The following CYP3A5 variants were observed in gnomAD, a reference collection of about 807,000 sequenced individuals.
CYP3A5 encodes cytochrome P450 3A5.
A neutral mutation model predicts 55.9 loss-of-function variants in CYP3A5; 51 were observed. That is an observed-to-expected ratio of 0.91 (90% CI 0.73 to 1.15). The LOEUF (loss-of-function observed/expected upper bound fraction) is 1.15, where lower values mean the gene tolerates loss of function less well. Ranked by LOEUF, CYP3A5 falls within the 50% of genes most tolerant of loss-of-function variation. The pLI is 0.00. For synonymous variants in CYP3A5, 196 were observed against 213.9 expected, an observed-to-expected ratio of 0.92 and a Z score of 0.73; for missense variants, 533 against 596.6, an observed-to-expected ratio of 0.89 and a Z score of 1.11.
Position 99,671,744 on chromosome 7 carries a change from A to G in CYP3A5, c.318+836T>C, listed in dbSNP as rs1389825187. On this transcript the variant is annotated intron_variant, in intron 4 of 12. Transcript: ENST00000222982. ...TATTAATACATTGGCCTCCTCAAAT[A>G]AATAAAAGTTTGCTCTGATATAGAA... is the stretch of plus-strand genomic sequence containing the variant. 5 of 686,354 alleles carry G rather than the reference A, an allele frequency of 7.3e-6. No homozygotes were observed. In the South Asian group the frequency reaches 7.8e-5, roughly 11 times the overall value. The allele number at this position is 686,354 out of a possible 1,614,324, so 42.5% of individuals were successfully genotyped here.
chr7:99,659,929 CAGT>C (rs1810237705), intron 10 of CYP3A5: 1 of 152,700 alleles, frequency 6.5e-6, no homozygotes, highest in African/African-American at 2.4e-5. Flanking sequence ...CAGAAAAGCG[CAGT>C]ATTAGGGTGG....
rs41279857 is a variant in CYP3A5 at position 99,672,599 on chromosome 7, G to T, written c.299C>A (p.Ser100Tyr). ...GCTTACCCTTCGATTTGTGAAGACA[G>T]AATAACATTCTTTCACTAGCACTGT... ...IRTVLVKECY[S>Y]VFTNRRSLGP... Residue 100 changes from serine (S) to tyrosine (Y), a missense_variant, in exon 4 of 13, where the codon TCT becomes TAT. Coordinates refer to ENST00000222982, the MANE Select transcript of CYP3A5 (RefSeq NM_000777.5). The T allele has an allele frequency of 2.1e-3, 3,344 of 1,613,844 alleles. 5 individuals are homozygous for T. Among genetic ancestry groups the T allele is most frequent in the Non-Finnish European group, 2.4e-3 (2,773 of 1,179,772 alleles).
intron 3 of CYP3A5, 72 bp from the exon 4 acceptor site, chr7:99,672,751 C>A: frequency 6.2e-7 from 1 of 1,605,524 alleles, no homozygotes; most frequent in South Asian, 1.1e-5. Context: ...CCCAGGAAGC[C>A]AGACTTTGAT....
chr7:99,654,747 G>T (rs527355245), intron 10 of CYP3A5, among the ~76,000 whole-genome samples: 1 of 152,314 alleles, frequency 6.6e-6, no homozygotes, highest in East Asian at 1.9e-4. Flanking sequence ...AGCACCTGTT[G>T]TTTCCTGACT....
At chr7:99,672,913 A>C in intron 3 of CYP3A5, 1 of 1,340,822 alleles carries the variant, frequency 7.5e-7, no homozygotes, top group Admixed American at 3.3e-5. Flanking sequence ...CAGGGAAGAG[A>C]TATTGAAAGA....
At chr7:99,674,754 G>T (rs1158193359) in intron 2 of CYP3A5, among the ~76,000 whole-genome samples, 169 bp from the exon 3 acceptor site, 1 of 152,194 alleles carries the variant, frequency 6.6e-6, no homozygotes, top group Non-Finnish European at 1.5e-5. Flanking sequence ...AGAAAACAGA[G>T]AATATATTTG....
In CYP3A5 at chr7:99,664,115, A is replaced by C. The variant is rs373310645; in HGVS notation, c.671-20T>G. 3.8e-5 allele frequency: 59 copies of C among 1,544,326 alleles called. No individual in the cohort carries two copies. Among genetic ancestry groups the C allele is most frequent in the Non-Finnish European group, 4.4e-5 (51 of 1,152,790 alleles). On this transcript the variant is annotated intron_variant, in intron 7 of 12. Transcript: ENST00000222982. ...AGAGTACTGTGGGAAAAACAAAACA[A>C]ACAAAAGGAAATCATTGAAAATGCA... is the stretch of plus-strand genomic sequence containing the variant.
intron 11 of CYP3A5, among the ~76,000 whole-genome samples, chr7:99,651,902 T>A (rs1263051313): frequency 1.3e-5 from 2 of 152,184 alleles, no homozygotes; most frequent in East Asian, 3.9e-4. Context: ...CAGGAGGACC[T>A]GTGCTGTCTT....
intron 11 of CYP3A5, among the ~76,000 whole-genome samples, chr7:99,651,263 TAC>T (rs1446355549): frequency 6.6e-6 from 1 of 152,144 alleles, no homozygotes; most frequent in African/African-American, 2.4e-5. Context: ...AATATATATA[TAC>T]ACACACATAT....
At position 99,664,664 on chromosome 7, in the gene CYP3A5, A is replaced by T. The variant is rs41303328; in HGVS notation, c.670+502T>A. 3.2e-4 allele frequency among the ~76,000 whole-genome samples: 48 copies of T among 152,300 alleles called. 1 individual carries two copies. The East Asian group carries it at 8.9e-3, about 28-fold the overall frequency. ...AAGGCATGATGTACCAAAACACAGG[A>T]TGTAGCCAAACCAGTGCTCAGAGGG... On this transcript the variant is annotated intron_variant, in intron 7 of 12. Transcript: ENST00000222982.
intron 3 of CYP3A5, 140 bp from the exon 4 acceptor site, chr7:99,672,819 A>T (rs1300818495): frequency 6.7e-7 from 1 of 1,493,488 alleles, no homozygotes; most frequent in East Asian, 2.4e-5. Flanking sequence ...CTTAGGTTCT[A>T]GTTCATTAGG....
chr7:99,652,388 C>T, intron 11 of CYP3A5, 165 bp downstream of exon 11: 1 of 477,514 alleles, frequency 2.1e-6, no homozygotes, highest in Non-Finnish European at 3.6e-6. Flanking sequence ...TTCGTTTTTT[C>T]TAGTCTGTGG....
chr7:99,654,881 T>C (rs1000188828), intron 10 of CYP3A5, among the ~76,000 whole-genome samples: 3 of 152,160 alleles, frequency 2.0e-5, no homozygotes, highest in East Asian at 3.9e-4. Flanking sequence ...TAAATGTCTT[T>C]TGAGAAGTGT....
At chr7:99,658,450 C>A (rs896943362) in intron 10 of CYP3A5, among the ~76,000 whole-genome samples, 2 of 152,096 alleles carry the variant, frequency 1.3e-5, no homozygotes, top group Non-Finnish European at 2.9e-5. Context: ...CCGAGAGATC[C>A]ACTGTTAGTC....
chr7:99,675,975 A>G (rs1331959472), intron 2 of CYP3A5, 140 bp downstream of exon 2: 18 of 685,970 alleles, frequency 2.6e-5, no homozygotes, highest in Non-Finnish European at 3.7e-5. Flanking sequence ...GATTACAGGC[A>G]TGATCCACTG....
intron 12 of CYP3A5, among the ~76,000 whole-genome samples, chr7:99,648,926 T>C (rs1166538238): frequency 2.0e-5 from 3 of 152,190 alleles, no homozygotes; most frequent in African/African-American, 7.2e-5. Context: ...AATTATTCTT[T>C]TCTTTTTAAC....
At position 99,662,415 on chromosome 7, in the gene CYP3A5, C is replaced by T. The variant is rs151201031; in HGVS notation, c.865+401G>A. Among the ~76,000 whole-genome samples the T allele has an allele frequency of 9.2e-5, 14 of 152,286 alleles. No individual in the cohort carries two copies. The highest frequency in any genetic ancestry group is 1.7e-4 in the African/African-American group (7 of 41,538). ...AAAACTTTGCAGTAGATTAACCTTG[C>T]GAACACACTTTCAAGTACTGCCAGT... is the stretch of plus-strand genomic sequence containing the variant. On this transcript the variant is annotated intron_variant, in intron 9 of 12. Coordinates refer to ENST00000222982, the MANE Select transcript of CYP3A5 (RefSeq NM_000777.5). This position sits in a 1 kb window ranked among gnomAD's most constrained non-coding sequence, Gnocchi z 4.3.
chr7:99,660,398 A>C (rs1584431882), intron 10 of CYP3A5, 101 bp downstream of exon 10: 6 of 1,483,266 alleles, frequency 4.0e-6, no homozygotes, highest in Admixed American at 2.4e-5. Context: ...TGAAGGAATC[A>C]GTGATTATGC....
At chr7:99,673,378 CT>C (rs1811879359) in intron 3 of CYP3A5, among the ~76,000 whole-genome samples, 3 of 152,228 alleles carry the variant, frequency 2.0e-5, no homozygotes, top group Admixed American at 6.5e-5. Context: ...CAGGGAACAG[CT>C]GCTGCAATTG....
Sources: allele counts gnomAD v4.1 joint callset (sites outside exome capture counted in the v4.1 genomes callset), GRCh38; gene constraint gnomAD v4.1.1; non-coding constraint Gnocchi (gnomAD v3.1); transcripts MANE v1.5; gene names NCBI Gene and HGNC (gene_info 2026-07-23, HGNC 2026-07-21).